TGM4: variants seen among roughly 807,000 people sequenced by gnomAD.
TGM4 encodes transglutaminase 4, also known as protein-glutamine gamma-glutamyltransferase 4.
In TGM4, 61 loss-of-function variants were observed where a neutral mutation model predicts 76.3. That is an observed-to-expected ratio of 0.80 (90% CI 0.65 to 0.99). The LOEUF (loss-of-function observed/expected upper bound fraction) is 0.99. TGM4 is among the 50% of genes least tolerant of loss of function. The pLI, the probability that TGM4 is intolerant of heterozygous loss-of-function variation, is 0.00. For synonymous variants in TGM4, 337 were observed against 329.8 expected (o/e 1.02, Z -0.24); for missense variants, 794 against 843.2 (o/e 0.94, Z 0.72).
chr3:44,879,597 C>T (rs1699505103), intron 1 of TGM4, among the ~76,000 whole-genome samples: 1 of 151,710 alleles, frequency 6.6e-6, no homozygotes. Flanking sequence ...CTCAGCCTCC[C>T]AAGTAGCTGG....
intron 13 of TGM4, 26 bp from the exon 14 acceptor site, chr3:44,913,558 T>C (rs566743442): frequency 4.1e-5 from 66 of 1,601,316 alleles, no homozygotes; most frequent in Middle Eastern, 3.4e-4. Context: ...GCTGATTGTA[T>C]GTCCGTATGT....
chr3:44,887,916 G>A lies in TGM4; in HGVS notation c.300+121G>A, dbSNP rs1010083636. 3.6e-6 allele frequency: 3 copies of A among 831,744 alleles called. No individual in the cohort carries two copies. In the African/African-American group the frequency reaches 5.0e-5, roughly 14 times the overall value. The allele number at this position is 831,744 out of a possible 1,614,324, so 51.5% of individuals were successfully genotyped here. On this transcript the variant is annotated intron_variant, in intron 3 of 13. Coordinates refer to ENST00000296125, the MANE Select transcript of TGM4 (RefSeq NM_003241.4). ...GTAACATGGTTTAAAGCCATCCACA[G>A]CACAGCATGATAGAGGGGCCATGGC...
chr3:44,907,465 A>G (rs1699940886), intron 10 of TGM4, among the ~76,000 whole-genome samples: 2 of 152,174 alleles, frequency 1.3e-5, no homozygotes, highest in Admixed American at 1.3e-4. Flanking sequence ...CCTGGGTGAC[A>G]GAGCAAGACC....
intron 1 of TGM4, among the ~76,000 whole-genome samples, chr3:44,875,600 C>T (rs1403989279): frequency 5.3e-5 from 8 of 152,194 alleles, no homozygotes; most frequent in Middle Eastern, 3.4e-3. Context: ...TAGGGAACAA[C>T]GAGGCTGGGT....
At chr3:44,878,781 C>G (rs929622071) in intron 1 of TGM4, among the ~76,000 whole-genome samples, 6 of 152,076 alleles carry the variant, frequency 3.9e-5, no homozygotes, top group Non-Finnish European at 7.4e-5. Context: ...TGCGCCTGGC[C>G]TCTTCTTTAT....
chr3:44,900,096 C>T (rs181797836), intron 6 of TGM4, among the ~76,000 whole-genome samples: 37 of 152,296 alleles, frequency 2.4e-4, no homozygotes, highest in Middle Eastern at 3.4e-3. Flanking sequence ...CCTCGTGCAT[C>T]AGGAGTTTTG....
chr3:44,907,355 TGCCTGTGGTCCCA>T (rs1699939188), intron 10 of TGM4, among the ~76,000 whole-genome samples, 155 bp downstream of exon 10: 1 of 149,676 alleles, frequency 6.7e-6, no homozygotes, highest in South Asian at 2.1e-4. Flanking sequence ...TGGTGGCATG[TGCCTGTGGTCCCA>T]GCTACTCAGG....
At chr3:44,890,764 G>A (rs957701360) in intron 4 of TGM4, 32 bp downstream of exon 4, 5 of 1,611,446 alleles carry the variant, frequency 3.1e-6, no homozygotes, top group Non-Finnish European at 4.2e-6. Context: ...CTGGGGAATG[G>A]CAGGTGACCC....
intron 9 of TGM4, among the ~76,000 whole-genome samples, chr3:44,905,917 G>C (rs1273785379): frequency 6.6e-6 from 1 of 152,212 alleles, no homozygotes; most frequent in African/African-American, 2.4e-5. Context: ...CATTTGCTGA[G>C]GTGGGACAGT....
chr3:44,875,722 G>T (rs1032903029), intron 1 of TGM4, among the ~76,000 whole-genome samples: 3 of 152,214 alleles, frequency 2.0e-5, no homozygotes, highest in African/African-American at 7.2e-5. Flanking sequence ...CCAAGGAATG[G>T]CTGCTTTGAA....
chr3:44,893,986 C>T (rs1236106605), intron 5 of TGM4, among the ~76,000 whole-genome samples: 69 of 107,746 alleles, frequency 6.4e-4, no homozygotes, highest in Non-Finnish European at 1.1e-3. Flanking sequence ...CTCTCTCCCA[C>T]CCCCCTCGGC....
chr3:44,896,204 T>C (rs910201450), intron 5 of TGM4, among the ~76,000 whole-genome samples: 3 of 152,260 alleles, frequency 2.0e-5, no homozygotes, highest in East Asian at 1.9e-4. Context: ...CTCCGCCTCC[T>C]GAGTTCAAGC....
chr3:44,911,023 G>A lies in TGM4; in HGVS notation c.1672G>A (p.Glu558Lys), dbSNP rs1699997885. Reference protein sequence around the residue: ...YINSLAILDDEPVIRGFIIAE... With the variant: ...YINSLAILDDKPVIRGFIIAE... ...CAACAGCCTGGCTATATTAGATGATGAGCCAGTTATCAGAGGTTTCATCAT... is the reference window on the plus strand; with the variant it reads ...CAACAGCCTGGCTATATTAGATGATAAGCCAGTTATCAGAGGTTTCATCAT... The change falls in exon 12 of 14, where the codon GAG (glutamate) becomes AAG (lysine). Residue 558 changes from glutamate to lysine, a missense_variant. Coordinates refer to ENST00000296125, the MANE Select transcript of TGM4 (RefSeq NM_003241.4). 1.2e-6 allele frequency: 2 copies of A among 1,614,180 alleles called. No homozygotes were observed. Among genetic ancestry groups the A allele is most frequent in the East Asian group, 2.2e-5 (1 of 44,892 alleles).
At chr3:44,884,001 G>T (rs766735528) in intron 1 of TGM4, among the ~76,000 whole-genome samples, 2 of 152,274 alleles carry the variant, frequency 1.3e-5, no homozygotes, top group Middle Eastern at 6.8e-3. Context: ...TAATCTAGGG[G>T]TTCTCCATAT....
chr3:44,879,700 A>C (rs1699506816), intron 1 of TGM4, among the ~76,000 whole-genome samples: 3 of 150,026 alleles, frequency 2.0e-5, no homozygotes, highest in Non-Finnish European at 3.0e-5. Flanking sequence ...CTGGTCTCGA[A>C]CTCCTGACCT....
Position 44,908,725 on chromosome 3 carries a change from TCA to T in TGM4, c.1328-1361_1328-1360del, listed in dbSNP as rs1257586713. ...TCTCTATTTGGCAAGCCATTTGTTC[TCA>T]CACTTTTTTTTTAGTTTTTTGAATA... On this transcript the variant is annotated intron_variant, in intron 10 of 13. Coordinates refer to ENST00000296125, the MANE Select transcript of TGM4 (RefSeq NM_003241.4). Among the ~76,000 whole-genome samples, 4 of 152,310 alleles carry T rather than the reference TCA, an allele frequency of 2.6e-5. No individual in the cohort carries two copies. The East Asian group carries it at 5.8e-4, about 22-fold the overall frequency.
chr3:44,884,476 G>GA (rs1411743703), intron 1 of TGM4, among the ~76,000 whole-genome samples: 2 of 152,034 alleles, frequency 1.3e-5, no homozygotes, highest in Non-Finnish European at 2.9e-5. Flanking sequence ...TAGCATTGAA[G>GA]AAAAAAATCC....
chr3:44,894,374 A>G (rs374114743), intron 5 of TGM4, among the ~76,000 whole-genome samples: 19 of 26,242 alleles, frequency 7.2e-4, no homozygotes, highest in African/African-American at 3.4e-3. Context: ...TCCCACCCCC[A>G]TGGCTCTCTC....
chr3:44,908,079 G>C (rs1699949861), intron 10 of TGM4, among the ~76,000 whole-genome samples: 1 of 152,242 alleles, frequency 6.6e-6, no homozygotes, highest in South Asian at 2.1e-4. Context: ...AAGCAGGTCA[G>C]TTTGGACCCC....
Sources: allele counts gnomAD v4.1 joint callset (sites outside exome capture counted in the v4.1 genomes callset), GRCh38; gene constraint gnomAD v4.1.1; transcripts MANE v1.5; gene names NCBI Gene and HGNC (gene_info 2026-07-23, HGNC 2026-07-21).